The following FHOD3 variants were observed in gnomAD, a reference collection of about 807,000 sequenced individuals.
FHOD3 encodes the protein formin homology 2 domain containing 3.
In FHOD3, 90 loss-of-function variants were observed where a neutral mutation model predicts 173.0. The observed-to-expected ratio is 0.52, with a 90% CI of 0.44 to 0.62. The LOEUF (loss-of-function observed/expected upper bound fraction) is 0.62. FHOD3 is among the 20% of genes least tolerant of loss of function. The pLI, the probability that FHOD3 is intolerant of heterozygous loss-of-function variation, is 0.00. For synonymous variants in FHOD3, 828 were observed against 823.0 expected (o/e 1.01, Z -0.10); for missense variants, 1,945 against 2,034.7 (o/e 0.96, Z 0.85).
At chr18:36,697,006 AC>A (rs1480574077) in intron 17 of FHOD3, among the ~76,000 whole-genome samples, 1 of 152,216 alleles carries the variant, frequency 6.6e-6, no homozygotes, top group African/African-American at 2.4e-5. Flanking sequence ...TTCTGAAAGC[AC>A]CTAAGTGATT....
intron 3 of FHOD3, among the ~76,000 whole-genome samples, chr18:36,457,567 C>G (rs1212087568): frequency 2.0e-5 from 3 of 151,466 alleles, no homozygotes; most frequent in Non-Finnish European, 4.4e-5. Context: ...AAAGGAGCAG[C>G]TTTTGTAGTT....
intron 1 of FHOD3, 109 bp downstream of exon 1, chr18:36,298,109 G>T: frequency 1.9e-6 from 2 of 1,029,408 alleles, no homozygotes; most frequent in Non-Finnish European, 2.6e-6. Context: ...GCTGGGCGCG[G>T]CCCGGGGGGA....
intron 27 of FHOD3, among the ~76,000 whole-genome samples, chr18:36,761,549 C>T (rs920740501): frequency 6.6e-6 from 1 of 152,104 alleles, no homozygotes; most frequent in Non-Finnish European, 1.5e-5. Context: ...GCATGGTCAC[C>T]GCGGCGCTTC....
At chr18:36,636,528 G>A (rs541867793) in intron 10 of FHOD3, among the ~76,000 whole-genome samples, 46 of 152,176 alleles carry the variant, frequency 3.0e-4, no homozygotes, top group Admixed American at 3.3e-4. Context: ...GCCTTTGATC[G>A]TCCCGAGAGA....
intron 2 of FHOD3, among the ~76,000 whole-genome samples, chr18:36,362,062 C>A (rs1021731046): frequency 4.6e-5 from 7 of 152,196 alleles, no homozygotes; most frequent in African/African-American, 1.7e-4. Flanking sequence ...GTAAAGATGA[C>A]ATCAGGTAGG....
intron 3 of FHOD3, among the ~76,000 whole-genome samples, chr18:36,454,416 C>T (rs1327398529): frequency 6.6e-6 from 1 of 152,118 alleles, no homozygotes; most frequent in Non-Finnish European, 1.5e-5. Context: ...CATCACCCTT[C>T]CCTTACCCTC....
At chr18:36,683,837 C>T (rs1258907363) in intron 15 of FHOD3, among the ~76,000 whole-genome samples, 1 of 152,194 alleles carries the variant, frequency 6.6e-6, no homozygotes, top group Admixed American at 6.5e-5. Flanking sequence ...AGCTATGACC[C>T]CATGATCACT....
At chr18:36,334,748 A>C (rs1239175605) in intron 1 of FHOD3, among the ~76,000 whole-genome samples, 1 of 152,212 alleles carries the variant, frequency 6.6e-6, no homozygotes, top group Non-Finnish European at 1.5e-5. Context: ...TGTACCAGAA[A>C]ACTGACTTTC....
intron 20 of FHOD3, among the ~76,000 whole-genome samples, chr18:36,739,267 G>A (rs116547094): frequency 0.014 from 2,142 of 152,094 alleles, 48 homozygotes; most frequent in African/African-American, 0.048. Context: ...GCATATAATT[G>A]AAAATAGATT....
At chr18:36,541,302 GGCGTGGT>G (rs1341953568) in intron 5 of FHOD3, among the ~76,000 whole-genome samples, 2 of 151,430 alleles carry the variant, frequency 1.3e-5, no homozygotes, top group African/African-American at 4.9e-5. Flanking sequence ...GTGTTGGCAG[GGCGTGGT>G]GCCTCATGCC....
Position 36,719,595 on chromosome 18 carries a change from T to C in FHOD3, c.3417+880T>C, listed in dbSNP as rs60947116. Reference sequence around the variant, plus strand: ...GTATAAGGGGTAGGAGAAAGCACTTTGTAAAGCATAATTTAGAATAAACAT... The same window carrying C: ...GTATAAGGGGTAGGAGAAAGCACTTCGTAAAGCATAATTTAGAATAAACAT... On this transcript the variant is annotated intron_variant, in intron 19 of 28. Coordinates refer to ENST00000590592, the MANE Select transcript of FHOD3 (RefSeq NM_001281740.3). 8.1e-3 allele frequency among the ~76,000 whole-genome samples: 1,231 copies of C among 152,332 alleles called. 16 individuals carry two copies. The highest frequency in any genetic ancestry group is 0.028 in the African/African-American group (1,145 of 41,572).
chr18:36,542,532 T>G (rs904430901), intron 5 of FHOD3, among the ~76,000 whole-genome samples: 4 of 152,180 alleles, frequency 2.6e-5, no homozygotes, highest in Non-Finnish European at 5.9e-5. Flanking sequence ...TTAAATAGCT[T>G]TTGCTTGCTA....
At chr18:36,657,078 A>G (rs1410172064) in intron 13 of FHOD3, among the ~76,000 whole-genome samples, 1 of 152,214 alleles carries the variant, frequency 6.6e-6, no homozygotes, top group Non-Finnish European at 1.5e-5. Context: ...TGCTTTCCAG[A>G]AGGGATTCCA....
rs758359909 is a variant in FHOD3, at chr18:36,747,056, C to G, written c.4153C>G (p.Gln1385Glu). 3.7e-6 allele frequency: 6 copies of G among 1,613,916 alleles called. No homozygotes were observed. Among genetic ancestry groups the G allele is most frequent in the Non-Finnish European group, 5.1e-6 (6 of 1,179,986 alleles). ...ACATGAAATGAAACCAGTTTTAAAA[C>G]AACGGATGTCAGAGTTCCTGAAAGA... ...AKHEMKPVLKQRMSEFLKDCA... is the reference protein window; with the variant it reads ...AKHEMKPVLKERMSEFLKDCA... Residue 1385 changes from glutamine (Q) to glutamate (E), a missense_variant, in exon 24 of 29, where the codon CAA (glutamine) becomes GAA (glutamate). Physicochemically the swap from Gln to Glu is conservative, Grantham distance 29. Transcript: ENST00000590592.
At chr18:36,752,810 A>T (rs1350160643) in intron 24 of FHOD3, among the ~76,000 whole-genome samples, 2 of 152,238 alleles carry the variant, frequency 1.3e-5, no homozygotes, top group African/African-American at 4.8e-5. Flanking sequence ...TGTATAAAAT[A>T]GGACCCAGAA....
At chr18:36,751,937 A>G (rs1311828031) in intron 24 of FHOD3, among the ~76,000 whole-genome samples, 4 of 152,190 alleles carry the variant, frequency 2.6e-5, no homozygotes, top group Non-Finnish European at 4.4e-5. Flanking sequence ...ATAAAGACAT[A>G]TCCGAGACTG....
intron 5 of FHOD3, among the ~76,000 whole-genome samples, chr18:36,543,830 C>G (rs1375051216): frequency 6.6e-6 from 1 of 152,166 alleles, no homozygotes; most frequent in East Asian, 1.9e-4. Context: ...AAAAACAGTT[C>G]TACTTCTTAA....
chr18:36,667,990 C>T (rs1209160270), intron 14 of FHOD3, among the ~76,000 whole-genome samples: 1 of 152,086 alleles, frequency 6.6e-6, no homozygotes, highest in Non-Finnish European at 1.5e-5. Context: ...TAAGAAATTG[C>T]CTGTCTTCCA....
chr18:36,616,339 G>C (rs562333113), intron 9 of FHOD3, among the ~76,000 whole-genome samples: 2 of 152,296 alleles, frequency 1.3e-5, no homozygotes, highest in South Asian at 4.1e-4. Flanking sequence ...GCATGATGCG[G>C]ATGAATTGCC....
Sources: allele counts gnomAD v4.1 joint callset (sites outside exome capture counted in the v4.1 genomes callset), GRCh38; gene constraint gnomAD v4.1.1; transcripts MANE v1.5; gene names NCBI Gene and HGNC (gene_info 2026-07-23, HGNC 2026-07-21).